Variants in WASHC5 observed in about 807,000 individuals in gnomAD.
WASHC5 encodes WASH complex subunit strumpellin.
A neutral mutation model predicts 150.4 loss-of-function variants in WASHC5; 101 were observed. The observed-to-expected ratio is 0.67, with a 90% CI of 0.57 to 0.79. WASHC5 has a LOEUF of 0.79. WASHC5 is among the 30% of genes least tolerant of loss of function. WASHC5 has a pLI of 0.00. For synonymous variants in WASHC5, 467 were observed against 491.2 expected (o/e 0.95, Z 0.65); for missense variants, 1,195 against 1,396.3 (o/e 0.86, Z 2.30).
At chr8:125,088,752 T>C (rs997670300) in intron 1 of WASHC5, among the ~76,000 whole-genome samples, 1 of 152,200 alleles carries the variant, frequency 6.6e-6, no homozygotes, top group Admixed American at 6.5e-5. Context: ...CAGCCAGCTA[T>C]GCCCTACCCT....
At chr8:125,031,906 A>C (rs1815550119) in intron 27 of WASHC5, among the ~76,000 whole-genome samples, 1 of 152,152 alleles carries the variant, frequency 6.6e-6, no homozygotes, top group Non-Finnish European at 1.5e-5. Context: ...GCCCAGCAGG[A>C]GTGCAGGGGC....
chr8:125,084,475 C>T (rs1014725245), intron 1 of WASHC5, among the ~76,000 whole-genome samples: 10 of 152,198 alleles, frequency 6.6e-5, no homozygotes, highest in African/African-American at 2.2e-4. Context: ...AAGGTAAGAA[C>T]ATGTCCAAGA....
intron 10 of WASHC5, among the ~76,000 whole-genome samples, chr8:125,066,341 A>G (rs1586370268): frequency 1.3e-5 from 2 of 152,184 alleles, no homozygotes; most frequent in South Asian, 4.1e-4. Flanking sequence ...AAGATAAAGA[A>G]ACATCTAATA....
At position 125,076,393 on chromosome 8, in the gene WASHC5, T is replaced by C; in HGVS notation, c.819A>G (p.Gln273=). Residue 273 remains glutamine, a synonymous_variant, in exon 7 of 29, where the codon CAA becomes CAG. Transcript: ENST00000318410. Reference sequence around the variant, plus strand: ...TATCCACTATCTCTCTCATTTTTGCTTGATGGGTGTGAAGGATGGAAGGCT... The same window carrying C: ...TATCCACTATCTCTCTCATTTTTGCCTGATGGGTGTGAAGGATGGAAGGCT... ...YFEPSILHTH[Q]AKMREIVDKY... 6.2e-7 allele frequency: 1 copy of C among 1,613,988 alleles called. No individual in the cohort carries two copies. The highest frequency in any genetic ancestry group is 8.5e-7 in the Non-Finnish European group (1 of 1,179,950).
At chr8:125,034,686 T>A (rs1815646926) in intron 26 of WASHC5, among the ~76,000 whole-genome samples, 1 of 152,184 alleles carries the variant, frequency 6.6e-6, no homozygotes, top group Admixed American at 6.5e-5. Context: ...ATATTTGACT[T>A]CTTGTGAAGA....
intron 1 of WASHC5, among the ~76,000 whole-genome samples, chr8:125,084,285 G>A (rs1817354982): frequency 6.6e-6 from 1 of 152,178 alleles, no homozygotes; most frequent in African/African-American, 2.4e-5. Flanking sequence ...CTCTGTGCTA[G>A]GGAGAAGGAA....
chr8:125,057,480 G>T, intron 15 of WASHC5, 76 bp downstream of exon 15: 1 of 951,410 alleles, frequency 1.1e-6, no homozygotes, highest in Non-Finnish European at 1.7e-6. Flanking sequence ...TACTTTTGGG[G>T]GGCCTAAGCA....
At position 125,073,174 on chromosome 8, in the gene WASHC5, T is replaced by A; in HGVS notation, c.1129A>T (p.Met377Leu). The part of the protein sequence containing the change: ...RDCNVAIRWL[M>L]LHTADSACDP... ...TTACCTGAGTCTGCTGTATGAAGCA[T>A]CAGCCATCGGATGGCAACATTGCAG... is the stretch of plus-strand genomic sequence containing the variant. The change falls in exon 9 of 29, where the codon ATG becomes TTG. Residue 377 changes from methionine to leucine, a missense_variant. Physicochemically the swap from Met to Leu is conservative, Grantham distance 15 (BLOSUM62 2). This residue lies in a region of WASHC5 where 997 missense variants were observed against 1,168.1 expected (regional missense o/e 0.85). Coordinates refer to ENST00000318410, the MANE Select transcript of WASHC5 (RefSeq NM_014846.4). The A allele has an allele frequency of 6.2e-7, 1 of 1,614,164 alleles. No homozygotes were observed. The highest frequency in any genetic ancestry group is 8.5e-7 in the Non-Finnish European group (1 of 1,179,994).
intron 1 of WASHC5, among the ~76,000 whole-genome samples, chr8:125,084,499 T>C (rs920617859): frequency 6.6e-6 from 1 of 152,228 alleles, no homozygotes; most frequent in Non-Finnish European, 1.5e-5. Context: ...CTTTTAAAAT[T>C]ACAGATGCTA....
intron 1 of WASHC5, among the ~76,000 whole-genome samples, chr8:125,091,128 C>CTT (rs201143172): frequency 1.4e-5 from 2 of 147,548 alleles, no homozygotes; most frequent in Non-Finnish European, 1.5e-5. Flanking sequence ...GCCCTGGGAA[C>CTT]TTTTTTTTTT....
Position 125,044,613 on chromosome 8 carries a change from T to G in WASHC5, c.2590A>C (p.Ile864Leu). The change falls in exon 21 of 29, where the codon ATC (isoleucine) becomes CTC (leucine). Residue 864 changes from isoleucine to leucine, a missense_variant. Ile to Leu is a conservative substitution (Grantham distance 5). This residue lies in a region of WASHC5 where 997 missense variants were observed against 1,168.1 expected (regional missense o/e 0.85). Transcript: ENST00000318410. ...CCAAAGGTTCCCAAGGTGGTCTGGA[T>G]TTCTGAGAAGAGGCGGCTGCTGGTC... is the stretch of plus-strand genomic sequence containing the variant. ...EVTSSRLFSE[I>L]QTTLGTFGLN... The G allele has an allele frequency of 6.2e-7, 1 of 1,614,168 alleles. No individual in the cohort carries two copies.
chr8:125,037,406 G>T, intron 25 of WASHC5, 73 bp from the exon 26 acceptor site: 1 of 941,468 alleles, frequency 1.1e-6, no homozygotes, highest in Non-Finnish European at 1.7e-6. Context: ...GTTTCCAAAT[G>T]AAAATCTTCC....
intron 3 of WASHC5, 164 bp downstream of exon 3, chr8:125,082,949 T>G: frequency 1.8e-6 from 1 of 553,436 alleles, no homozygotes; most frequent in Non-Finnish European, 3.2e-6. Flanking sequence ...AACTTCAAAA[T>G]TCTTAAGATG....
In WASHC5 at chr8:125,063,420, A is replaced by G. The variant is rs1304046118; in HGVS notation, c.1408+102T>C. On this transcript the variant is annotated intron_variant, in intron 11 of 28. Transcript: ENST00000318410. The stretch of plus-strand genomic sequence containing the variant: ...CTAAAGATGGAATATCATAGGATAC[A>G]ATAATGAGAACATAAAGTCTTTTTA... 14 of 1,252,758 alleles carry G rather than the reference A, an allele frequency of 1.1e-5. No individual in the cohort carries two copies. The East Asian group carries it at 3.3e-4, about 29-fold the overall frequency. The allele number at this position is 1,252,758 out of a possible 1,614,324, so 77.6% of individuals were successfully genotyped here. A position where few individuals can be genotyped will look rare whatever the true frequency, so the allele number is the denominator to read the frequency against.
intron 28 of WASHC5, among the ~76,000 whole-genome samples, chr8:125,025,861 CAA>C (rs1191960873): frequency 6.6e-6 from 1 of 150,438 alleles, no homozygotes; most frequent in Non-Finnish European, 1.5e-5. Flanking sequence ...CACACACAAT[CAA>C]AATTAGGATC....
intron 26 of WASHC5, among the ~76,000 whole-genome samples, chr8:125,033,076 A>G (rs1473915604): frequency 1.3e-5 from 2 of 152,208 alleles, no homozygotes; most frequent in African/African-American, 4.8e-5. Context: ...GCTCTACACT[A>G]AAGATTTCTG....
intron 1 of WASHC5, among the ~76,000 whole-genome samples, chr8:125,089,729 G>C (rs1467836796): frequency 6.6e-6 from 1 of 152,192 alleles, no homozygotes; most frequent in Non-Finnish European, 1.5e-5. Context: ...TTCAGTCTGG[G>C]ATAACGACAG....
At chr8:125,078,612 AG>A in intron 6 of WASHC5, 125 bp downstream of exon 6, 1 of 755,334 alleles carries the variant, frequency 1.3e-6, no homozygotes. Context: ...GTAGCTCAAA[AG>A]GTTTTAAAAG....
rs138222483 is a variant in WASHC5 at position 125,078,766 on chromosome 8, C to T, written c.683G>A (p.Arg228Gln). Residue 228 changes from arginine to glutamine, a missense_variant, in exon 6 of 29, where the codon CGA becomes CAA. Arg to Gln is a conservative substitution (Grantham distance 43). Transcript: ENST00000318410. The part of the protein sequence containing the change: ...NESFISMVIG[R>Q]LRSDDIYNQV... ...GTTGTAAATATCATCAGATCTCAGTCGACCAATGACCATACTGATGAAGGA... is the reference window on the plus strand; with the variant it reads ...GTTGTAAATATCATCAGATCTCAGTTGACCAATGACCATACTGATGAAGGA... 11 of 1,613,660 alleles carry T rather than the reference C, an allele frequency of 6.8e-6. No homozygotes were observed. The highest frequency in any genetic ancestry group is 2.2e-5 in the East Asian group (1 of 44,872).
Sources: allele counts gnomAD v4.1 joint callset (sites outside exome capture counted in the v4.1 genomes callset), GRCh38; gene constraint gnomAD v4.1.1; regional missense constraint gnomAD v4.1.1; transcripts MANE v1.5; gene names NCBI Gene and HGNC (gene_info 2026-07-23, HGNC 2026-07-21).